Variants in CLUL1 observed in about 807,000 individuals in gnomAD.
CLUL1 encodes the protein clusterin like 1, also known as clusterin-like protein 1.
Under a neutral mutation model 49.4 loss-of-function variants are expected in CLUL1, and 43 were observed. The observed-to-expected ratio is 0.87, with a 90% confidence interval of 0.68 to 1.12. The LOEUF (loss-of-function observed/expected upper bound fraction) is 1.12, where lower values mean the gene tolerates loss of function less well. Among genes scored for constraint, CLUL1 ranks in the 50% most tolerant of loss-of-function variants. The pLI, the probability that CLUL1 is intolerant of heterozygous loss-of-function variation, is 0.00. For synonymous variants in CLUL1, 192 were observed against 184.9 expected, an observed-to-expected ratio of 1.04 and a Z score of -0.31; for missense variants, 486 against 544.4, an observed-to-expected ratio of 0.89 and a Z score of 1.07.
intron 9 of CLUL1, among the ~76,000 whole-genome samples, chr18:647,579 C>G (rs2074543246): frequency 6.6e-6 from 1 of 152,154 alleles, no homozygotes; most frequent in Non-Finnish European, 1.5e-5. Flanking sequence ...GATCACTCTG[C>G]TCAAGATGTG....
rs372655934 is a variant in CLUL1 at position 630,812 on chromosome 18, G to C, written c.857-2486G>C. 7.3e-5 allele frequency among the ~76,000 whole-genome samples: 11 copies of C among 150,096 alleles called. No homozygotes were observed. In the East Asian group the frequency reaches 2.2e-3, roughly 30 times the overall value. On this transcript the variant is annotated intron_variant, in intron 6 of 9. Coordinates refer to ENST00000692774, the MANE Select transcript of CLUL1 (RefSeq NM_001393344.1). Reference sequence around the variant, plus strand: ...AGCGATTCTCCTGCCTCAGCCACCTGAGTAGCTGGGACTACAGGCACGTGC... The same window carrying C: ...AGCGATTCTCCTGCCTCAGCCACCTCAGTAGCTGGGACTACAGGCACGTGC...
chr18:629,348 C>A (rs2073917905), intron 6 of CLUL1, among the ~76,000 whole-genome samples: 1 of 152,192 alleles, frequency 6.6e-6, no homozygotes. Flanking sequence ...TATCAACTGT[C>A]TTGGAATAAC....
intron 2 of CLUL1, among the ~76,000 whole-genome samples, chr18:608,455 C>CT (rs34603688): frequency 0.21 from 31,184 of 151,982 alleles, 4,316 homozygotes; most frequent in African/African-American, 0.39. Context: ...AAATTATTCA[C>CT]TTCATCTACT....
intron 5 of CLUL1, among the ~76,000 whole-genome samples, chr18:625,518 AACACACACACAC>A (rs3221054): frequency 3.1e-4 from 45 of 144,702 alleles, no homozygotes; most frequent in East Asian, 1.9e-3. Context: ...CCTTATGCAT[AACACACACACAC>A]ACACACACAC....
At chr18:645,697 G>A (rs1006906186) in intron 9 of CLUL1, among the ~76,000 whole-genome samples, 13 of 147,878 alleles carry the variant, frequency 8.8e-5, no homozygotes, top group Non-Finnish European at 1.5e-4. Context: ...GGGAGGCTGA[G>A]GCAGGAGAAT....
intron 6 of CLUL1, among the ~76,000 whole-genome samples, chr18:631,042 G>A (rs1284974946): frequency 1.3e-5 from 2 of 152,110 alleles, no homozygotes; most frequent in African/African-American, 2.4e-5. Context: ...CAAGTTCCGT[G>A]TGGCAACCTT....
chr18:614,574 CCT>C (rs1290451016), intron 2 of CLUL1: 3 of 152,236 alleles, frequency 2.0e-5, no homozygotes, highest in African/African-American at 7.2e-5. Flanking sequence ...ACACCCCTGG[CCT>C]CTCACCCTCC....
intron 2 of CLUL1, among the ~76,000 whole-genome samples, chr18:609,569 A>G (rs1369106934): frequency 6.6e-6 from 1 of 152,128 alleles, no homozygotes; most frequent in African/African-American, 2.4e-5. Context: ...CATGGCTGCA[A>G]TCCCATCACT....
At chr18:633,249 A>G (rs1216169298) in intron 6 of CLUL1, 49 bp from the exon 7 acceptor site, 3 of 1,514,760 alleles carry the variant, frequency 2.0e-6, no homozygotes, top group Admixed American at 2.1e-5. Context: ...CACTTCTTCA[A>G]AGTGCAAACT....
intron 2 of CLUL1, among the ~76,000 whole-genome samples, chr18:615,597 C>T (rs911116062): frequency 3.3e-5 from 5 of 152,210 alleles, no homozygotes; most frequent in African/African-American, 9.6e-5. Flanking sequence ...GGACTCTGCT[C>T]TGCTCTTCCT....
chr18:609,449 G>A (rs2073070034), intron 2 of CLUL1, among the ~76,000 whole-genome samples: 3 of 152,144 alleles, frequency 2.0e-5, no homozygotes, highest in Admixed American at 1.3e-4. Flanking sequence ...AATAAATTGT[G>A]TATTATGTGC....
At chr18:612,481 C>A (rs1047951355) in intron 2 of CLUL1, among the ~76,000 whole-genome samples, 11 of 152,216 alleles carry the variant, frequency 7.2e-5, no homozygotes, top group Admixed American at 2.6e-4. Flanking sequence ...GATCTGTACT[C>A]GGTTTGGATC....
At chr18:610,789 C>T (rs2073111893) in intron 2 of CLUL1, among the ~76,000 whole-genome samples, 1 of 152,156 alleles carries the variant, frequency 6.6e-6, no homozygotes, top group South Asian at 2.1e-4. Context: ...GTAATCCCCA[C>T]ACCTTGAGAG....
At chr18:601,009 C>T (rs1316750609) in intron 1 of CLUL1, among the ~76,000 whole-genome samples, 2 of 152,204 alleles carry the variant, frequency 1.3e-5, no homozygotes, top group African/African-American at 4.8e-5. Flanking sequence ...GTTGATCACC[C>T]TACCCAATGG....
rs529140050 is a variant in CLUL1, at chr18:648,527, G to A, written c.1398-1371G>A. Among the ~76,000 whole-genome samples the A allele has an allele frequency of 2.0e-5, 3 of 152,020 alleles. No homozygotes were observed. The South Asian group carries it at 6.2e-4, about 32-fold the overall frequency. On this transcript the variant is annotated intron_variant, in intron 9 of 9. Coordinates refer to ENST00000692774, the MANE Select transcript of CLUL1 (RefSeq NM_001393344.1). ...TTCACATTTTCTACCTATTTTCTTA[G>A]ATTCCAAGAAATAGAATTACTTGTT... is the stretch of plus-strand genomic sequence containing the variant.
At chr18:626,887 G>GA (rs373271131) in intron 5 of CLUL1, among the ~76,000 whole-genome samples, 46 of 2,716 alleles carry the variant, frequency 0.017, no homozygotes, top group Non-Finnish European at 0.027. Flanking sequence ...AAGAAAGAAA[G>GA]AAAGAAAGAA....
chr18:610,112 T>A (rs191784886), intron 2 of CLUL1, among the ~76,000 whole-genome samples: 1 of 152,160 alleles, frequency 6.6e-6, no homozygotes, highest in African/African-American at 2.4e-5. Context: ...ATTTTACCCA[T>A]CCTGCTGTCA....
intron 7 of CLUL1, among the ~76,000 whole-genome samples, chr18:637,803 C>T (rs1247631768): frequency 6.6e-6 from 1 of 151,912 alleles, no homozygotes; most frequent in African/African-American, 2.4e-5. Flanking sequence ...GGCGAAACCC[C>T]GTTCTACTAA....
At chr18:611,805 C>T (rs2073141743) in intron 2 of CLUL1, among the ~76,000 whole-genome samples, 1 of 152,114 alleles carries the variant, frequency 6.6e-6, no homozygotes, top group African/African-American at 2.4e-5. Flanking sequence ...TTCTTGATGA[C>T]TTTAGCAACA....
Sources: gnomAD v4.1 joint callset for allele counts (sites outside exome capture counted in the v4.1 genomes callset) on GRCh38, gnomAD v4.1.1 for gene constraint, MANE v1.5 for transcripts, NCBI Gene and HGNC (gene_info 2026-07-23, HGNC 2026-07-21) for gene names.